EYS: variants seen among roughly 807,000 people sequenced by gnomAD.
The protein encoded by EYS is EGF-like photoreceptor maintenance factor.
In EYS, 250 loss-of-function variants were observed where a neutral mutation model predicts 282.1. The ratio of observed to expected loss-of-function variants is 0.89; its 90% confidence interval spans 0.80 to 0.98. The LOEUF is 0.98. EYS is among the 50% of genes least tolerant of loss of function. The probability of loss-of-function intolerance (pLI) is 0.00; values close to 1 mark genes in which losing one functional copy is unlikely to be tolerated. For synonymous variants in EYS, 1,355 were observed against 1,282.9 expected, an observed-to-expected ratio of 1.06 and a Z score of -1.20; for missense variants, 4,016 against 3,709.0, an observed-to-expected ratio of 1.08 and a Z score of -2.15.
chr6:63,950,943 A>G (rs1378220035), intron 35 of EYS, among the ~76,000 whole-genome samples: 1 of 152,098 alleles, frequency 6.6e-6, no homozygotes, highest in Non-Finnish European at 1.5e-5. Context: ...GTCTTCCCTT[A>G]GTGTTTAATC....
intron 19 of EYS, among the ~76,000 whole-genome samples, chr6:64,827,507 A>G (rs1176815949): frequency 6.6e-6 from 1 of 151,934 alleles, no homozygotes; most frequent in Non-Finnish European, 1.5e-5. Context: ...CAGCTTAACT[A>G]CTACTGAACA....
chr6:64,093,695 T>C (rs1024763126), intron 31 of EYS, among the ~76,000 whole-genome samples: 1 of 152,202 alleles, frequency 6.6e-6, no homozygotes, highest in African/African-American at 2.4e-5. Flanking sequence ...TCATGTCATC[T>C]GCAAACAGGG....
At chr6:65,403,070 C>CGAA (rs1766579890) in intron 6 of EYS, among the ~76,000 whole-genome samples, 1 of 151,998 alleles carries the variant, frequency 6.6e-6, no homozygotes, top group Admixed American at 6.6e-5. Flanking sequence ...ATAAGAAAAC[C>CGAA]TTCAAGATGA....
chr6:64,808,004 T>TCCTCCCTCCCTCCTTCCTC (rs1764486673), intron 22 of EYS, among the ~76,000 whole-genome samples: 1 of 149,624 alleles, frequency 6.7e-6, no homozygotes, highest in Non-Finnish European at 1.5e-5. Context: ...CTTACTTCCT[T>TCCTCCCTCCCTCCTTCCTC]CCTCCCTCCC....
intron 31 of EYS, among the ~76,000 whole-genome samples, chr6:64,182,550 A>G (rs1562241787): frequency 6.6e-6 from 1 of 152,082 alleles, no homozygotes; most frequent in Non-Finnish European, 1.5e-5. Flanking sequence ...GCATATAAAC[A>G]TATCGTTATT....
At chr6:63,902,076 T>C (rs1476319571) in intron 35 of EYS, among the ~76,000 whole-genome samples, 6 of 151,960 alleles carry the variant, frequency 3.9e-5, no homozygotes, top group Non-Finnish European at 8.8e-5. Flanking sequence ...TATTGTTTAG[T>C]AGAGATGGGG....
At chr6:64,603,466 G>A (rs910505316) in intron 24 of EYS, among the ~76,000 whole-genome samples, 5 of 151,840 alleles carry the variant, frequency 3.3e-5, no homozygotes, top group East Asian at 1.9e-4. Context: ...ACAGAACTTC[G>A]CCCTTCTTGA....
chr6:64,367,383 T>C (rs1772215169), intron 29 of EYS, among the ~76,000 whole-genome samples: 1 of 152,020 alleles, frequency 6.6e-6, no homozygotes, highest in Non-Finnish European at 1.5e-5. Flanking sequence ...AAAAATTATA[T>C]ATATTTGTAA....
intron 40 of EYS, among the ~76,000 whole-genome samples, chr6:63,771,536 A>G (rs927342373): frequency 1.3e-5 from 2 of 152,204 alleles, no homozygotes; most frequent in Admixed American, 6.5e-5. Context: ...CATCTGTGAT[A>G]TGGAATACAC....
At chr6:65,046,262 C>G (rs546252540) in intron 13 of EYS, among the ~76,000 whole-genome samples, 5 of 151,764 alleles carry the variant, frequency 3.3e-5, no homozygotes, top group Non-Finnish European at 7.4e-5. Flanking sequence ...TCAATAGTGC[C>G]TAAATTTTTA....
At chr6:65,392,527 T>C (rs577571281) in intron 7 of EYS, among the ~76,000 whole-genome samples, 1 of 152,294 alleles carries the variant, frequency 6.6e-6, no homozygotes, top group South Asian at 2.1e-4. Context: ...GAAAAGACAC[T>C]TCTCAAAAGA....
chr6:64,611,631 TAGAGA>T (rs1163494145), intron 24 of EYS, among the ~76,000 whole-genome samples: 1 of 152,158 alleles, frequency 6.6e-6, no homozygotes, highest in African/African-American at 2.4e-5. Flanking sequence ...CAACATATAT[TAGAGA>T]AAACTATCAA....
At chr6:63,823,752 G>T (rs1771384473) in intron 36 of EYS, among the ~76,000 whole-genome samples, 1 of 151,452 alleles carries the variant, frequency 6.6e-6, no homozygotes, top group Non-Finnish European at 1.5e-5. Context: ...TCTTAAAATG[G>T]GTACTTCTTA....
At chr6:63,772,891 AT>A (rs1769967784) in intron 40 of EYS, among the ~76,000 whole-genome samples, 1 of 152,130 alleles carries the variant, frequency 6.6e-6, no homozygotes, top group Admixed American at 6.6e-5. Flanking sequence ...TCTTAGAAAA[AT>A]ATGAGCATAT....
chr6:64,811,420 G>GC (rs1197091465), intron 22 of EYS, among the ~76,000 whole-genome samples: 2 of 106,758 alleles, frequency 1.9e-5, no homozygotes, highest in South Asian at 6.0e-4. Flanking sequence ...GCTTCATGCT[G>GC]TAAAAAAAAA....
At chr6:65,242,385 G>T (rs1195645238) in intron 12 of EYS, among the ~76,000 whole-genome samples, 1 of 151,846 alleles carries the variant, frequency 6.6e-6, no homozygotes. Flanking sequence ...CCAATATGTT[G>T]TCTTTGTGAC....
intron 11 of EYS, among the ~76,000 whole-genome samples, chr6:65,310,242 G>C (rs1476064044): frequency 6.6e-6 from 1 of 152,120 alleles, no homozygotes; most frequent in Non-Finnish European, 1.5e-5. Context: ...TACTCGGGAG[G>C]CTGAGGCAGG....
intron 31 of EYS, among the ~76,000 whole-genome samples, chr6:64,157,337 G>C (rs1281435667): frequency 6.6e-6 from 1 of 152,102 alleles, no homozygotes; most frequent in Admixed American, 6.5e-5. Flanking sequence ...GGGATGTAGA[G>C]CATAAAAGTT....
At chr6:65,082,569 T>C (rs1581893174) in intron 12 of EYS, among the ~76,000 whole-genome samples, 1 of 152,140 alleles carries the variant, frequency 6.6e-6, no homozygotes, top group South Asian at 2.1e-4. Context: ...TCAGAATATG[T>C]CCAAATGGGA....
Sources: allele counts gnomAD v4.1 joint callset (sites outside exome capture counted in the v4.1 genomes callset), GRCh38; gene constraint gnomAD v4.1.1; transcripts MANE v1.5; gene names NCBI Gene and HGNC (gene_info 2026-07-23, HGNC 2026-07-21).